The following DTNB variants were observed in gnomAD, a reference collection of about 807,000 sequenced individuals.
The protein encoded by DTNB is dystrobrevin beta, also known as DTN-B.
A neutral mutation model predicts 90.7 loss-of-function variants in DTNB; 63 were observed. The observed-to-expected ratio is 0.69, with a 90% CI of 0.57 to 0.86. The LOEUF (loss-of-function observed/expected upper bound fraction) is 0.86, where lower values mean the gene tolerates loss of function less well. DTNB is among the 40% of genes least tolerant of loss of function. The pLI is 0.00. For missense variants in DTNB, 744 were observed against 807.1 expected (o/e 0.92, Z 0.95); for synonymous variants, 277 against 286.7 (o/e 0.97, Z 0.34).
intron 4 of DTNB, among the ~76,000 whole-genome samples, chr2:25,613,718 G>A (rs2148580146): frequency 6.6e-6 from 1 of 151,728 alleles, no homozygotes; most frequent in East Asian, 1.9e-4. Flanking sequence ...GCAACACGTT[G>A]GGAGGCCAAG....
intron 8 of DTNB, among the ~76,000 whole-genome samples, chr2:25,536,613 A>T (rs2079845456): frequency 6.6e-6 from 1 of 151,700 alleles, no homozygotes; most frequent in African/African-American, 2.4e-5. Context: ...GAGGCAAGAG[A>T]ATCACCGGAG....
chr2:25,399,118 G>T (rs983501384), intron 16 of DTNB, among the ~76,000 whole-genome samples: 1 of 152,032 alleles, frequency 6.6e-6, no homozygotes, highest in Non-Finnish European at 1.5e-5. Context: ...GCGCGATCTC[G>T]GCTCACTGCA....
At chr2:25,471,592 C>T (rs2062820624) in intron 10 of DTNB, among the ~76,000 whole-genome samples, 1 of 152,030 alleles carries the variant, frequency 6.6e-6, no homozygotes, top group South Asian at 2.1e-4. Flanking sequence ...GACAGGGTTT[C>T]GCTATGTTGG....
intron 9 of DTNB, among the ~76,000 whole-genome samples, chr2:25,499,585 C>G (rs2069948397): frequency 6.6e-6 from 1 of 152,144 alleles, no homozygotes; most frequent in African/African-American, 2.4e-5. Context: ...TTTGAAAACC[C>G]CTTTCCTGAC....
At chr2:25,438,245 A>G (rs80041828) in intron 12 of DTNB, among the ~76,000 whole-genome samples, 330 of 152,274 alleles carry the variant, frequency 2.2e-3, no homozygotes, top group African/African-American at 7.7e-3. Context: ...CACTGGAAGA[A>G]CTGTGTCTTG....
intron 15 of DTNB, among the ~76,000 whole-genome samples, chr2:25,420,579 G>A (rs957012287): frequency 1.3e-5 from 2 of 151,946 alleles, no homozygotes; most frequent in African/African-American, 2.4e-5. Flanking sequence ...GCAATGGTGC[G>A]ATATGGGCTC....
intron 9 of DTNB, among the ~76,000 whole-genome samples, chr2:25,509,097 A>G (rs2073292110): frequency 6.6e-6 from 1 of 152,196 alleles, no homozygotes; most frequent in South Asian, 2.1e-4. Flanking sequence ...CAATCACGTC[A>G]TCTATGAATA....
chr2:25,499,171 C>T (rs963181555), intron 9 of DTNB, among the ~76,000 whole-genome samples: 4 of 143,670 alleles, frequency 2.8e-5, no homozygotes, highest in African/African-American at 1.1e-4. Context: ...CAGTCGAGAT[C>T]GTGTCATTGC....
intron 9 of DTNB, among the ~76,000 whole-genome samples, chr2:25,524,961 A>G (rs1489337115): frequency 2.6e-5 from 4 of 152,228 alleles, no homozygotes; most frequent in Admixed American, 2.6e-4. Context: ...CCTACCTTAC[A>G]GGATTTCTCC....
intron 11 of DTNB, 129 bp from the exon 12 acceptor site, chr2:25,451,764 T>C: frequency 1.2e-6 from 1 of 845,162 alleles, no homozygotes; most frequent in Non-Finnish European, 1.6e-6. Context: ...GCCTGGGTCA[T>C]AGATACTAAT....
At position 25,534,478 on chromosome 2, in the gene DTNB, G is replaced by A. The variant is rs59987757; in HGVS notation, c.877-2881C>T. On this transcript the variant is annotated intron_variant, in intron 8 of 20. Coordinates refer to ENST00000406818, the MANE Select transcript of DTNB (RefSeq NM_021907.5). Reference sequence around the variant, plus strand: ...TCCCCCTTTTCTTTTCGACAAAACCGCCATCGTCGTCATGGCCTGTTCTCA... The same window carrying A: ...TCCCCCTTTTCTTTTCGACAAAACCACCATCGTCGTCATGGCCTGTTCTCA... Among the ~76,000 whole-genome samples, 657 of 152,112 alleles carry A rather than the reference G, an allele frequency of 4.3e-3. 6 individuals are homozygous for A. Among genetic ancestry groups the A allele is most frequent in the African/African-American group, 0.015 (628 of 41,496 alleles).
intron 8 of DTNB, among the ~76,000 whole-genome samples, chr2:25,570,947 C>T (rs965128907): frequency 6.6e-6 from 1 of 152,200 alleles, no homozygotes; most frequent in Admixed American, 6.5e-5. Context: ...ATGACCTCAA[C>T]AACTCCATAT....
At chr2:25,578,776 A>C (rs2061102635) in intron 7 of DTNB, among the ~76,000 whole-genome samples, 1 of 152,244 alleles carries the variant, frequency 6.6e-6, no homozygotes. Flanking sequence ...TTAGTAAATC[A>C]ATTTAAAAAG....
chr2:25,527,451 A>C (rs1192773629), intron 9 of DTNB, among the ~76,000 whole-genome samples: 1 of 151,778 alleles, frequency 6.6e-6, no homozygotes, highest in Non-Finnish European at 1.5e-5. Context: ...TGAACCCGGG[A>C]GGGGGAGGTT....
At chr2:25,541,463 C>T (rs564759129) in intron 8 of DTNB, among the ~76,000 whole-genome samples, 12 of 152,120 alleles carry the variant, frequency 7.9e-5, no homozygotes, top group South Asian at 2.1e-4. Flanking sequence ...GCCTGGGTGA[C>T]GGCAAGACTC....
At chr2:25,446,847 T>C (rs2150091601) in intron 12 of DTNB, among the ~76,000 whole-genome samples, 1 of 152,330 alleles carries the variant, frequency 6.6e-6, no homozygotes, top group South Asian at 2.1e-4. Flanking sequence ...TCTATTTTCT[T>C]TTTTGGAATT....
At chr2:25,596,984 A>G (rs1001207347) in intron 5 of DTNB, among the ~76,000 whole-genome samples, 3 of 152,236 alleles carry the variant, frequency 2.0e-5, no homozygotes, top group Non-Finnish European at 4.4e-5. Context: ...AGTAAAAGAA[A>G]ACCAGAAGTC....
chr2:25,541,817 C>G (rs139870118), intron 8 of DTNB, among the ~76,000 whole-genome samples: 10 of 152,282 alleles, frequency 6.6e-5, no homozygotes, highest in African/African-American at 1.4e-4. Flanking sequence ...TTGCTTTTAA[C>G]TTTTTGAGGA....
In DTNB at chr2:25,499,658, A is replaced by G. The variant is rs2069978614; in HGVS notation, c.1002-16785T>C. Among the ~76,000 whole-genome samples, 6 of 152,232 alleles carry G rather than the reference A, an allele frequency of 3.9e-5. 1 individual carries two copies. In the South Asian group the frequency reaches 1.2e-3, roughly 32 times the overall value. ...CATAGTATCCTCTTCTTTTTAAATA[A>G]TACTTATCATAATTTGCTATTATAT... On this transcript the variant is annotated intron_variant, in intron 9 of 20. Coordinates refer to ENST00000406818, the MANE Select transcript of DTNB (RefSeq NM_021907.5).
Sources: allele counts gnomAD v4.1 joint callset (sites outside exome capture counted in the v4.1 genomes callset), GRCh38; gene constraint gnomAD v4.1.1; transcripts MANE v1.5; gene names NCBI Gene and HGNC (gene_info 2026-07-23, HGNC 2026-07-21).